TRHDE: variants seen among roughly 807,000 people sequenced by gnomAD.
TRHDE encodes thyrotropin releasing hormone degrading enzyme.
A neutral mutation model predicts 125.7 loss-of-function variants in TRHDE; 72 were observed. That is an observed-to-expected ratio of 0.57 (90% CI 0.47 to 0.70). The LOEUF is 0.70. Among genes scored for constraint, TRHDE ranks in the 30% least tolerant of loss-of-function variants. The pLI is 0.00. For missense variants in TRHDE, 1,110 were observed against 1,327.1 expected (o/e 0.84, Z 2.54); for synonymous variants, 509 against 509.1 (o/e 1.00, Z 0.00).
chr12:72,490,442 C>T (rs1037033175), intron 5 of TRHDE, among the ~76,000 whole-genome samples: 2 of 151,640 alleles, frequency 1.3e-5, no homozygotes, highest in Admixed American at 6.6e-5. Context: ...ATAGAACTAC[C>T]ACATGACCCA....
chr12:72,415,842 C>T (rs897167865), intron 3 of TRHDE, among the ~76,000 whole-genome samples: 7 of 152,042 alleles, frequency 4.6e-5, no homozygotes, highest in Non-Finnish European at 8.8e-5. Context: ...CTGCAGTAAA[C>T]ATGGGAGTGA....
intron 2 of TRHDE, among the ~76,000 whole-genome samples, chr12:72,238,319 T>TATAC (rs1157701916): frequency 7.0e-5 from 2 of 28,694 alleles, no homozygotes; most frequent in Admixed American, 4.2e-4. Context: ...TATATATATA[T>TATAC]ATACATATAT....
At chr12:72,640,166 C>T (rs777947536) in intron 15 of TRHDE, among the ~76,000 whole-genome samples, 3 of 152,208 alleles carry the variant, frequency 2.0e-5, no homozygotes, top group African/African-American at 7.2e-5. Context: ...ACTCCGTGGG[C>T]GTAGGACCCT....
intron 3 of TRHDE, among the ~76,000 whole-genome samples, chr12:72,383,720 T>C (rs1467197070): frequency 7.0e-6 from 1 of 142,736 alleles, no homozygotes; most frequent in Non-Finnish European, 1.5e-5. Context: ...AATTTCTGTT[T>C]TTTTTTTTTT....
Position 72,542,181 on chromosome 12 carries a change from A to G in TRHDE, c.1723-110A>G, listed in dbSNP as rs183362927. On this transcript the variant is annotated intron_variant, in intron 6 of 18. Transcript: ENST00000261180. ...TTCATGATACTGCTGTTTCTTAATT[A>G]TTTTTGAAAATAGAATAGCATGAAT... The G allele has an allele frequency of 1.2e-4, 83 of 671,486 alleles. No homozygotes were observed. In the East Asian group the frequency reaches 2.5e-3, roughly 20 times the overall value. The allele number at this position is 671,486 out of a possible 1,614,324, so 41.6% of individuals were successfully genotyped here.
chr12:72,545,246 G>A (rs1869358428), intron 7 of TRHDE, among the ~76,000 whole-genome samples: 1 of 151,362 alleles, frequency 6.6e-6, no homozygotes, highest in Non-Finnish European at 1.5e-5. Context: ...ACTGTTCTAT[G>A]TAATCCATTT....
At chr12:72,527,758 C>A (rs977491618) in intron 6 of TRHDE, among the ~76,000 whole-genome samples, 2 of 151,878 alleles carry the variant, frequency 1.3e-5, no homozygotes, top group Admixed American at 1.3e-4. Flanking sequence ...TTATACACAT[C>A]AATATTATAT....
chr12:72,551,417 A>G (rs1428934908), intron 7 of TRHDE, among the ~76,000 whole-genome samples: 2 of 152,108 alleles, frequency 1.3e-5, no homozygotes, highest in Non-Finnish European at 2.9e-5. Context: ...GTTTCTCCCT[A>G]TGATTATTTT....
At chr12:72,347,565 T>G (rs60960987) in intron 2 of TRHDE, among the ~76,000 whole-genome samples, 6,848 of 152,036 alleles carry the variant, frequency 0.045, 520 homozygotes, top group African/African-American at 0.15. Context: ...GTCATCTCGG[T>G]TCACCATTGG....
At chr12:72,424,567 G>A (rs564732768) in intron 3 of TRHDE, among the ~76,000 whole-genome samples, 1 of 152,126 alleles carries the variant, frequency 6.6e-6, no homozygotes, top group Non-Finnish European at 1.5e-5. Context: ...CACTAAATTT[G>A]TGTTAACTTG....
chr12:72,282,714 C>T (rs766142179), intron 1 of TRHDE, among the ~76,000 whole-genome samples: 1 of 152,196 alleles, frequency 6.6e-6, no homozygotes, highest in Admixed American at 6.5e-5. Context: ...GTAGTCAACT[C>T]ACTCATTTCT....
intron 3 of TRHDE, among the ~76,000 whole-genome samples, chr12:72,393,589 G>T (rs2135793661): frequency 6.6e-6 from 1 of 152,290 alleles, no homozygotes; most frequent in East Asian, 1.9e-4. Flanking sequence ...CACAGTGTCA[G>T]ATTTTGTATA....
chr12:72,325,790 T>A (rs1385183480), intron 2 of TRHDE, among the ~76,000 whole-genome samples: 3 of 152,168 alleles, frequency 2.0e-5, no homozygotes, highest in Non-Finnish European at 4.4e-5. Flanking sequence ...CCAAGCCAAT[T>A]CTCATTTTAA....
chr12:72,128,067 A>G (rs1875766461), intron 2 of TRHDE, among the ~76,000 whole-genome samples: 1 of 152,144 alleles, frequency 6.6e-6, no homozygotes, highest in Non-Finnish European at 1.5e-5. Flanking sequence ...TATTTAGCAG[A>G]GTATTGATCA....
At chr12:72,218,866 A>G (rs1050353115) in intron 2 of TRHDE, among the ~76,000 whole-genome samples, 2 of 152,142 alleles carry the variant, frequency 1.3e-5, no homozygotes, top group African/African-American at 4.8e-5. Flanking sequence ...TATATTTACT[A>G]AGATGCTTTC....
At chr12:72,243,235 G>A (rs989790196) in intron 2 of TRHDE, among the ~76,000 whole-genome samples, 2 of 152,174 alleles carry the variant, frequency 1.3e-5, no homozygotes, top group Admixed American at 6.5e-5. Flanking sequence ...TTTGAGGTTT[G>A]GGGTTTGAAG....
chr12:72,106,688 A>G (rs760336336), intron 2 of TRHDE, among the ~76,000 whole-genome samples: 1 of 152,130 alleles, frequency 6.6e-6, no homozygotes, highest in Non-Finnish European at 1.5e-5. Flanking sequence ...GATATAGTGG[A>G]TATTGCCACA....
At chr12:72,500,296 G>GT in intron 6 of TRHDE, among the ~76,000 whole-genome samples, 1 of 152,246 alleles carries the variant, frequency 6.6e-6, no homozygotes, top group East Asian at 1.9e-4. Context: ...GCCTCTTAGT[G>GT]TTTTACATGC....
At chr12:72,181,143 T>G (rs922949813) in intron 2 of TRHDE, among the ~76,000 whole-genome samples, 11 of 152,130 alleles carry the variant, frequency 7.2e-5, no homozygotes, top group African/African-American at 2.4e-4. Context: ...ATTTGAAGTT[T>G]TGGATTCAAT....
Sources: gnomAD v4.1 joint callset for allele counts (sites outside exome capture counted in the v4.1 genomes callset) on GRCh38, gnomAD v4.1.1 for gene constraint, MANE v1.5 for transcripts, NCBI Gene and HGNC (gene_info 2026-07-23, HGNC 2026-07-21) for gene names.